SMIM36: variants seen among roughly 807,000 people sequenced by gnomAD.
SMIM36 encodes the protein small integral membrane protein 36.
chr17:55,493,932 G>A lies in SMIM36; in HGVS notation c.*175-14352C>T, dbSNP rs192022466. ...CTCAACCCTCACCTTCCCTGTGCTT[G>A]TGGAATTAAGTGTGAATCCTGGCTT... is the stretch of plus-strand genomic sequence containing the variant. On this transcript the variant is annotated intron_variant, in intron 1 of 4. Transcript: ENST00000636752. Among the ~76,000 whole-genome samples, 735 of 151,782 alleles carry A rather than the reference G, an allele frequency of 4.8e-3. 9 individuals are homozygous for A. The highest frequency in any genetic ancestry group is 0.015 in the South Asian group (71 of 4,802).
At chr17:55,455,890 C>T (rs889132051) in intron 4 of SMIM36, among the ~76,000 whole-genome samples, 14 of 151,718 alleles carry the variant, frequency 9.2e-5, no homozygotes, top group Non-Finnish European at 1.8e-4. Context: ...GGCCGAGGCA[C>T]ATGGATCATT....
chr17:55,498,426 A>G (rs1909847077), intron 1 of SMIM36, among the ~76,000 whole-genome samples: 1 of 152,090 alleles, frequency 6.6e-6, no homozygotes, highest in Admixed American at 6.5e-5. Context: ...AAATGTGTCT[A>G]AACTATCCTG....
chr17:55,452,102 C>CAAAAAAAAAAAA (rs1156887430), intron 4 of SMIM36, among the ~76,000 whole-genome samples: 3 of 51,754 alleles, frequency 5.8e-5, no homozygotes, highest in Admixed American at 2.8e-4. Flanking sequence ...TCAATCTCTA[C>CAAAAAAAAAAAA]AAAAAAAAAA....
At chr17:55,490,368 G>A (rs1425733545) in intron 1 of SMIM36, among the ~76,000 whole-genome samples, 3 of 152,114 alleles carry the variant, frequency 2.0e-5, no homozygotes, top group African/African-American at 7.2e-5. Context: ...TGACAGCCAT[G>A]GGGGCTTTTT....
At chr17:55,529,148 GA>G in the SMIM36 span, among the ~76,000 whole-genome samples, 257 of 152,190 alleles carry the variant, frequency 1.7e-3, 1 homozygote, top group Admixed American at 2.8e-3. Context: ...TTATTCTGAA[GA>G]AAAAATGGAG....
chr17:55,480,660 A>C (rs1909504506), intron 1 of SMIM36, among the ~76,000 whole-genome samples: 1 of 152,222 alleles, frequency 6.6e-6, no homozygotes, highest in South Asian at 2.1e-4. Flanking sequence ...TATGGGCAGA[A>C]TTTCATAGAA....
upstream of SMIM36, among the ~76,000 whole-genome samples, chr17:55,512,803 A>G (rs1910204621): frequency 6.6e-6 from 1 of 152,202 alleles, no homozygotes; most frequent in Non-Finnish European, 1.5e-5. Flanking sequence ...CCTTTTCTCC[A>G]ATAGCTAATA....
chr17:55,470,885 C>A (rs1410116247), intron 3 of SMIM36, among the ~76,000 whole-genome samples: 1 of 152,144 alleles, frequency 6.6e-6, no homozygotes, highest in Non-Finnish European at 1.5e-5. Context: ...TGGCCTGTTA[C>A]AACATGGCCT....
the SMIM36 span, chr17:55,527,161 A>G: frequency 6.6e-6 from 1 of 152,180 alleles, no homozygotes; most frequent in East Asian, 1.9e-4. Flanking sequence ...GTTATTGACC[A>G]TCTTCAAAAA....
intron 4 of SMIM36, among the ~76,000 whole-genome samples, chr17:55,455,520 T>C (rs1222512424): frequency 6.6e-6 from 1 of 152,202 alleles, no homozygotes; most frequent in Admixed American, 6.5e-5. Flanking sequence ...CTGGGTGCAG[T>C]GGCTCATGCC....
the SMIM36 span, among the ~76,000 whole-genome samples, chr17:55,525,118 T>A: frequency 2.3e-4 from 35 of 152,324 alleles, 1 homozygote; most frequent in East Asian, 6.7e-3. Context: ...ATACTGTACC[T>A]CCTTTTATAT....
intron 4 of SMIM36, among the ~76,000 whole-genome samples, chr17:55,450,584 G>T (rs1036965732): frequency 6.6e-6 from 1 of 152,116 alleles, no homozygotes; most frequent in African/African-American, 2.4e-5. Context: ...GAAGTGAAGC[G>T]ACTTGCCCAC....
rs192226154 is a variant in SMIM36 at position 55,486,272 on chromosome 17, C to T, written c.*175-6692G>A. 3.3e-4 allele frequency among the ~76,000 whole-genome samples: 50 copies of T among 152,168 alleles called. 1 individual carries two copies. The highest frequency in any genetic ancestry group is 9.4e-4 in the African/African-American group (39 of 41,512). On this transcript the variant is annotated intron_variant, in intron 1 of 4. Coordinates refer to ENST00000636752, the Ensembl canonical transcript of SMIM36. ...CAGGATGGTCTCGATCTCTTGACCT[C>T]GTGATCCACACACCTCTGCCTCCCA...
chr17:55,488,068 T>C (rs1378841620), intron 1 of SMIM36, among the ~76,000 whole-genome samples: 1 of 152,222 alleles, frequency 6.6e-6, no homozygotes, highest in Non-Finnish European at 1.5e-5. Context: ...CTTGGAAAAT[T>C]AAACCTTTTT....
chr17:55,487,044 T>C (rs1275624992), intron 1 of SMIM36, among the ~76,000 whole-genome samples: 1 of 152,078 alleles, frequency 6.6e-6, no homozygotes, highest in African/African-American at 2.4e-5. Context: ...ATGCTAGAGT[T>C]GGGAAGAGAG....
At chr17:55,505,321 T>C (rs1319851664) in intron 1 of SMIM36, among the ~76,000 whole-genome samples, 1 of 73,694 alleles carries the variant, frequency 1.4e-5, no homozygotes, top group African/African-American at 1.1e-4. Context: ...GATGCAAAAA[T>C]CCTCAATAAA....
chr17:55,522,105 AC>A, the SMIM36 span, among the ~76,000 whole-genome samples: 1 of 151,624 alleles, frequency 6.6e-6, no homozygotes, highest in Non-Finnish European at 1.5e-5. Context: ...TGGCTAACCT[AC>A]CTCTGTCCTC....
rs560276085 is a variant in SMIM36 at position 55,492,176 on chromosome 17, A to T, written c.*175-12596T>A. Reference sequence around the variant, plus strand: ...ACCATCTCAAAAAAAAAAAGAAAAAATTAAAATAAAGAGAGCAAACTCCTC... The same window carrying T: ...ACCATCTCAAAAAAAAAAAGAAAAATTTAAAATAAAGAGAGCAAACTCCTC... On this transcript the variant is annotated intron_variant, in intron 1 of 4. Coordinates refer to ENST00000636752, the Ensembl canonical transcript of SMIM36. Among the ~76,000 whole-genome samples the T allele has an allele frequency of 1.4e-3, 206 of 151,256 alleles. 4 individuals are homozygous for T. In the East Asian group the frequency reaches 0.036, roughly 27 times the overall value.
At chr17:55,521,964 C>G in the SMIM36 span, among the ~76,000 whole-genome samples, 1 of 152,060 alleles carries the variant, frequency 6.6e-6, no homozygotes, top group African/African-American at 2.4e-5. Flanking sequence ...ATTTTCAACA[C>G]AATAACCTGA....
Sources: allele counts gnomAD v4.1 joint callset (sites outside exome capture counted in the v4.1 genomes callset), GRCh38; gene constraint gnomAD v4.1.1; transcripts MANE v1.5; gene names NCBI Gene and HGNC (gene_info 2026-07-23, HGNC 2026-07-21).